The following DIS3L2 variants were observed in gnomAD, a reference collection of about 807,000 sequenced individuals.
The protein encoded by DIS3L2 is DIS3-like exonuclease 2.
Under a neutral mutation model 97.5 loss-of-function variants are expected in DIS3L2, and 34 were observed. The observed-to-expected ratio is 0.35, with a 90% CI of 0.27 to 0.46. DIS3L2 has a LOEUF of 0.46. Among genes scored for constraint, DIS3L2 ranks in the 20% least tolerant of loss-of-function variants. The pLI, the probability that DIS3L2 is intolerant of heterozygous loss-of-function variation, is 1.00. For missense variants in DIS3L2, 1,038 were observed against 1,146.0 expected (o/e 0.91, Z 1.36); for synonymous variants, 435 against 445.2 (o/e 0.98, Z 0.29).
intron 1 of DIS3L2, among the ~76,000 whole-genome samples, chr2:231,965,438 C>A (rs977909573): frequency 6.7e-6 from 1 of 149,134 alleles, no homozygotes; most frequent in Admixed American, 6.7e-5. Flanking sequence ...ATGTAGACAT[C>A]TGAATTGACT....
intron 14 of DIS3L2, among the ~76,000 whole-genome samples, chr2:232,305,286 C>T (rs1209429684): frequency 6.6e-6 from 1 of 152,106 alleles, no homozygotes; most frequent in East Asian, 1.9e-4. Context: ...CCATGTTGGC[C>T]AGGCTGGTCT....
chr2:232,181,381 C>G (rs1212545887), intron 9 of DIS3L2, among the ~76,000 whole-genome samples: 1 of 152,134 alleles, frequency 6.6e-6, no homozygotes, highest in Admixed American at 6.5e-5. Context: ...TGGGGAAGTT[C>G]TCCTGGATGA....
chr2:232,192,155 G>A (rs1426606827), intron 9 of DIS3L2, among the ~76,000 whole-genome samples: 1 of 152,034 alleles, frequency 6.6e-6, no homozygotes, highest in African/African-American at 2.4e-5. Context: ...TTTGTTAATG[G>A]GGTATATATT....
At chr2:232,271,052 G>A (rs1693996969) in intron 13 of DIS3L2, among the ~76,000 whole-genome samples, 1 of 152,148 alleles carries the variant, frequency 6.6e-6, no homozygotes, top group African/African-American at 2.4e-5. Context: ...AGAGCTCAAT[G>A]TGTCACAGAC....
At chr2:231,969,063 A>G (rs1038795948) in intron 1 of DIS3L2, among the ~76,000 whole-genome samples, 4 of 152,084 alleles carry the variant, frequency 2.6e-5, no homozygotes, top group African/African-American at 4.8e-5. Context: ...CTCTTTCACC[A>G]TGATTATAGT....
At chr2:232,342,476 A>C (rs960079821) in intron 13 of DIS3L2, among the ~76,000 whole-genome samples, 1 of 152,022 alleles carries the variant, frequency 6.6e-6, no homozygotes, top group Non-Finnish European at 1.5e-5. Context: ...GATCTGTTTG[A>C]TACTTTAAAC....
rs189444379 is a variant in DIS3L2, at chr2:232,227,490, A to G, written c.1205-11043A>G. Among the ~76,000 whole-genome samples the G allele has an allele frequency of 2.6e-4, 40 of 152,390 alleles. 1 individual carries two copies. In the East Asian group the frequency reaches 7.1e-3, roughly 27 times the overall value. On this transcript the variant is annotated intron_variant, in intron 10 of 20. Coordinates refer to ENST00000325385, the MANE Select transcript of DIS3L2 (RefSeq NM_152383.5). ...AAAAGTAAGCAGTCAATATGCCGTT[A>G]TTATGAGACCACCAGTATGGTGGAT...
intron 5 of DIS3L2, among the ~76,000 whole-genome samples, chr2:232,044,568 G>C (rs990980375): frequency 1.3e-5 from 2 of 152,144 alleles, no homozygotes; most frequent in African/African-American, 2.4e-5. Flanking sequence ...GAGATGCCTA[G>C]GGACATATAG....
intron 1 of DIS3L2, among the ~76,000 whole-genome samples, chr2:231,987,384 A>C (rs1286293545): frequency 2.6e-5 from 4 of 152,264 alleles, no homozygotes; most frequent in African/African-American, 9.6e-5. Context: ...TTCCGTGGGA[A>C]TCATAACATT....
At chr2:231,976,094 A>G (rs1020916235) in intron 1 of DIS3L2, among the ~76,000 whole-genome samples, 1 of 152,062 alleles carries the variant, frequency 6.6e-6, no homozygotes, top group Non-Finnish European at 1.5e-5. Flanking sequence ...TTCAGTTTTT[A>G]TTTCAATAGT....
chr2:232,258,176 G>A (rs966439902), intron 12 of DIS3L2, among the ~76,000 whole-genome samples: 6 of 152,092 alleles, frequency 3.9e-5, no homozygotes, highest in Non-Finnish European at 7.4e-5. Context: ...CCAGTAATAC[G>A]CCTTCAGTCA....
At chr2:232,236,047 CTTTATGTATT>C (rs1240266875) in intron 10 of DIS3L2, among the ~76,000 whole-genome samples, 2 of 152,170 alleles carry the variant, frequency 1.3e-5, no homozygotes. Flanking sequence ...TTAAGTATTC[CTTTATGTATT>C]ACAGCTACAG....
chr2:232,071,271 C>T (rs1696008552), intron 5 of DIS3L2, among the ~76,000 whole-genome samples: 1 of 152,112 alleles, frequency 6.6e-6, no homozygotes, highest in Admixed American at 6.5e-5. Flanking sequence ...CCTATAATCC[C>T]AGCACTTTGG....
chr2:232,267,172 C>A (rs1191790289), intron 13 of DIS3L2, among the ~76,000 whole-genome samples: 1 of 152,178 alleles, frequency 6.6e-6, no homozygotes, highest in Non-Finnish European at 1.5e-5. Flanking sequence ...GGCCCCAGTT[C>A]CATGAAGGCC....
intron 13 of DIS3L2, among the ~76,000 whole-genome samples, chr2:232,286,148 G>T (rs1372953709): frequency 6.6e-6 from 1 of 152,182 alleles, no homozygotes; most frequent in Non-Finnish European, 1.5e-5. Context: ...CCTTGTGGAG[G>T]CACATCTGTT....
chr2:232,004,153 A>C (rs1189924857), intron 1 of DIS3L2, among the ~76,000 whole-genome samples: 1 of 151,898 alleles, frequency 6.6e-6, no homozygotes, highest in Admixed American at 6.6e-5. Context: ...GCTCACTGCA[A>C]CCTCTGCCTC....
At chr2:231,978,670 T>A (rs1022855780) in intron 1 of DIS3L2, 6 of 152,252 alleles carry the variant, frequency 3.9e-5, no homozygotes, top group Non-Finnish European at 8.8e-5. Context: ...TGGAACCCAT[T>A]GCAGAGGAGC....
At chr2:232,103,008 C>T (rs1370229185) in intron 6 of DIS3L2, among the ~76,000 whole-genome samples, 2 of 152,012 alleles carry the variant, frequency 1.3e-5, no homozygotes, top group Admixed American at 6.5e-5. Flanking sequence ...TTTGAGTTAA[C>T]AGTGGATTAA....
intron 1 of DIS3L2, among the ~76,000 whole-genome samples, chr2:231,963,635 C>T (rs540000258): frequency 6.6e-5 from 10 of 152,160 alleles, no homozygotes; most frequent in Admixed American, 1.3e-4. Flanking sequence ...GCTGCAGTTG[C>T]TTATGGGGAC....
Sources: gnomAD v4.1 joint callset for allele counts (sites outside exome capture counted in the v4.1 genomes callset) on GRCh38, gnomAD v4.1.1 for gene constraint, MANE v1.5 for transcripts, NCBI Gene and HGNC (gene_info 2026-07-23, HGNC 2026-07-21) for gene names.